Variants in ITPR1 observed in about 807,000 individuals in gnomAD.
The protein encoded by ITPR1 is inositol 1,4,5-trisphosphate-gated calcium channel ITPR1.
In ITPR1, 96 loss-of-function variants were observed where a neutral mutation model predicts 318.4. The observed-to-expected ratio is 0.30, with a 90% CI of 0.26 to 0.36. The LOEUF is 0.36. ITPR1 is among the 10% of genes least tolerant of loss of function. ITPR1 has a pLI of 1.00. For missense variants in ITPR1, 2,440 were observed against 3,460.2 expected (o/e 0.71, Z 7.40); for synonymous variants, 1,312 against 1,289.9 (o/e 1.02, Z -0.37).
chr3:4,518,853 T>C (rs577241759), intron 3 of ITPR1, among the ~76,000 whole-genome samples: 37 of 152,322 alleles, frequency 2.4e-4, no homozygotes, highest in African/African-American at 7.9e-4. Context: ...GAGGATCCTT[T>C]GAGACCAGGA....
At chr3:4,511,277 G>A (rs1310571455) in intron 2 of ITPR1, among the ~76,000 whole-genome samples, 4 of 152,088 alleles carry the variant, frequency 2.6e-5, no homozygotes, top group African/African-American at 9.7e-5. Context: ...CACTTTTCTT[G>A]GGAATAGAAT....
At chr3:4,791,866 A>C (rs2047577507) in intron 52 of ITPR1, among the ~76,000 whole-genome samples, 1 of 152,334 alleles carries the variant, frequency 6.6e-6, no homozygotes, top group South Asian at 2.1e-4. Context: ...AGATTGGGGG[A>C]TGGGGAGATG....
At chr3:4,663,264 T>TGGTA in intron 16 of ITPR1, 58 bp downstream of exon 16, 1 of 1,473,066 alleles carries the variant, frequency 6.8e-7, no homozygotes, top group Non-Finnish European at 9.3e-7. Context: ...AAAGCATGAG[T>TGGTA]GGTAGCTCAT....
chr3:4,795,198 C>T lies in ITPR1; in HGVS notation c.6931+11C>T, dbSNP rs1237730302. ...AGGGAGTCCGAGGAGGTACCCATAT[C>T]TTTAACTTCAAAAATCCTATTAGAA... On this transcript the variant is annotated intron_variant, in intron 53 of 61. Transcript: ENST00000649015. 1.2e-6 allele frequency: 2 copies of T among 1,610,312 alleles called. No homozygotes were observed. Among genetic ancestry groups the T allele is most frequent in the Admixed American group, 1.7e-5 (1 of 59,364 alleles).
At chr3:4,561,020 T>C (rs2125016485) in intron 4 of ITPR1, among the ~76,000 whole-genome samples, 1 of 152,366 alleles carries the variant, frequency 6.6e-6, no homozygotes, top group Admixed American at 6.5e-5. Flanking sequence ...CCTGTGTTCA[T>C]TGATTCTGCT....
At position 4,823,124 on chromosome 3, in the gene ITPR1, G is replaced by A. The variant is rs571693508; in HGVS notation, c.8028+4882G>A. 2.6e-5 allele frequency among the ~76,000 whole-genome samples: 4 copies of A among 152,266 alleles called. No individual in the cohort carries two copies. The South Asian group carries it at 8.3e-4, about 32-fold the overall frequency. ...TAGTCTATAGATGATGATTTGAAAGGCCATGCTATTGGAGCTATTTAATCT... is the reference window on the plus strand; with the variant it reads ...TAGTCTATAGATGATGATTTGAAAGACCATGCTATTGGAGCTATTTAATCT... On this transcript the variant is annotated intron_variant, in intron 60 of 61. Transcript: ENST00000649015.
intron 52 of ITPR1, among the ~76,000 whole-genome samples, chr3:4,788,588 C>T (rs895251735): frequency 1.3e-5 from 2 of 152,150 alleles, no homozygotes; most frequent in Admixed American, 6.5e-5. Context: ...TAGACTAAAT[C>T]GTTTTACAGG....
chr3:4,516,509 T>A lies in ITPR1; in HGVS notation c.18T>A (p.Ser6=). 1.9e-6 allele frequency: 3 copies of A among 1,588,562 alleles called. No individual in the cohort carries two copies. The highest frequency in any genetic ancestry group is 1.7e-6 in the Non-Finnish European group (2 of 1,168,018). MSDKM[S]SFLHIGDICS... ...AGAAAGACATGTCTGACAAAATGTC[T>A]AGCTTCCTACATATTGGAGACATTT... Residue 6 remains serine (S), a synonymous_variant, in exon 3 of 62, where the codon TCT becomes TCA. Coordinates refer to ENST00000649015, the MANE Select transcript of ITPR1 (RefSeq NM_001378452.1).
chr3:4,588,971 C>T lies in ITPR1; in HGVS notation c.164-38792C>T, dbSNP rs76393236. 8.5e-3 allele frequency among the ~76,000 whole-genome samples: 1,298 copies of T among 152,236 alleles called. 13 individuals carry two copies. The highest frequency in any genetic ancestry group is 0.015 in the Non-Finnish European group (1,038 of 68,022). ...CTACAGCCCTCATTCTGCTCTAAAC[C>T]GTCATTGTGCTACCCAGACCATTGT... On this transcript the variant is annotated intron_variant, in intron 4 of 61. Coordinates refer to ENST00000649015, the MANE Select transcript of ITPR1 (RefSeq NM_001378452.1).
intron 4 of ITPR1, among the ~76,000 whole-genome samples, chr3:4,604,622 G>C (rs970290416): frequency 6.6e-6 from 1 of 152,096 alleles, no homozygotes. Flanking sequence ...CTCTTTCATG[G>C]ACACGCATGG....
chr3:4,694,769 C>G (rs1406422147), intron 33 of ITPR1, among the ~76,000 whole-genome samples: 1 of 152,216 alleles, frequency 6.6e-6, no homozygotes, highest in South Asian at 2.1e-4. Flanking sequence ...TGAGACCCAT[C>G]ATTGACCAAA....
chr3:4,681,624 AGTGTGTGTGTGT>A (rs10665371), intron 26 of ITPR1, among the ~76,000 whole-genome samples: 2 of 145,896 alleles, frequency 1.4e-5, no homozygotes, highest in South Asian at 4.5e-4. Context: ...AGAGAGAGAA[AGTGTGTGTGTGT>A]GTGTGTGTGT....
intron 23 of ITPR1, among the ~76,000 whole-genome samples, chr3:4,676,242 C>T (rs1338815194): frequency 4.0e-5 from 6 of 151,394 alleles, no homozygotes; most frequent in South Asian, 2.1e-4. Flanking sequence ...CTACTTGAGA[C>T]GTTGAGGCAG....
At chr3:4,499,248 A>G (rs2080838153) in intron 2 of ITPR1, among the ~76,000 whole-genome samples, 1 of 152,176 alleles carries the variant, frequency 6.6e-6, no homozygotes, top group African/African-American at 2.4e-5. Flanking sequence ...AAACAATTCA[A>G]CTATTAGAGA....
intron 4 of ITPR1, among the ~76,000 whole-genome samples, chr3:4,617,026 C>T (rs1332602449): frequency 6.6e-6 from 1 of 151,896 alleles, no homozygotes; most frequent in Admixed American, 6.6e-5. Context: ...ATCAGAGAAC[C>T]TATGTGAGAA....
chr3:4,614,247 C>G (rs1051166559), intron 4 of ITPR1, among the ~76,000 whole-genome samples: 102 of 152,160 alleles, frequency 6.7e-4, no homozygotes, highest in Admixed American at 1.6e-3. Flanking sequence ...GCCTGGGTGA[C>G]AGAACAAGAC....
chr3:4,832,029 ATTAATT>A (rs1171597974), intron 60 of ITPR1, among the ~76,000 whole-genome samples: 1 of 152,232 alleles, frequency 6.6e-6, no homozygotes, highest in African/African-American at 2.4e-5. Flanking sequence ...AAAATTGCTA[ATTAATT>A]TTAACTACCA....
chr3:4,714,505 A>T (rs898856694), intron 39 of ITPR1, among the ~76,000 whole-genome samples: 1 of 152,118 alleles, frequency 6.6e-6, no homozygotes, highest in Non-Finnish European at 1.5e-5. Flanking sequence ...CCCTGTGCCT[A>T]CGAGGAGGCT....
chr3:4,676,574 T>C (rs746654600), intron 23 of ITPR1, 40 bp from the exon 24 acceptor site: 1 of 1,519,292 alleles, frequency 6.6e-7, no homozygotes, highest in East Asian at 2.3e-5. Flanking sequence ...GAGCATTCTC[T>C]AGAGACATTG....
Sources: gnomAD v4.1 joint callset for allele counts (sites outside exome capture counted in the v4.1 genomes callset) on GRCh38, gnomAD v4.1.1 for gene constraint, MANE v1.5 for transcripts, NCBI Gene and HGNC (gene_info 2026-07-23, HGNC 2026-07-21) for gene names.